OAS3: variants seen among roughly 807,000 people sequenced by gnomAD.
OAS3 encodes the protein 2'-5'-oligoadenylate synthetase 3, also known as 2'-5'-oligoadenylate synthase 3.
A neutral mutation model predicts 113.0 loss-of-function variants in OAS3; 107 were observed. The observed-to-expected ratio is 0.95, with a 90% confidence interval of 0.81 to 1.11. The LOEUF is 1.11. OAS3 is among the 50% of genes most tolerant of loss of function. The pLI is 0.00. For synonymous variants in OAS3, 552 were observed against 573.6 expected, an observed-to-expected ratio of 0.96 and a Z score of 0.54; for missense variants, 1,258 against 1,389.1, an observed-to-expected ratio of 0.91 and a Z score of 1.50.
Position 112,972,377 on chromosome 12 carries a change from TG to T in OAS3, c.*2409del, listed in dbSNP as rs2043992158. The T allele has an allele frequency of 6.6e-6, 1 of 152,200 alleles. No individual in the cohort carries two copies. The highest frequency in any genetic ancestry group is 2.4e-5 in the African/African-American group (1 of 41,436). The allele number at this position is 152,200 out of a possible 1,614,324, so 9.4% of individuals were successfully genotyped here. On this transcript the variant is annotated 3_prime_UTR_variant, in exon 16 of 16. Coordinates refer to ENST00000228928, the MANE Select transcript of OAS3 (RefSeq NM_006187.4). ...GGCATATTGGCCCCACTGTAACTTT[TG>T]GGGGCTTCCCGGTCTAGCCACACCC...
At chr12:112,957,247 G>T (rs1192008070) in intron 7 of OAS3, among the ~76,000 whole-genome samples, 1 of 151,936 alleles carries the variant, frequency 6.6e-6, no homozygotes, top group African/African-American at 2.4e-5. Flanking sequence ...ATGTGAGCTG[G>T]GTCTCCTGAA....
At chr12:112,957,521 G>A (rs1389152797) in intron 7 of OAS3, among the ~76,000 whole-genome samples, 1 of 152,182 alleles carries the variant, frequency 6.6e-6, no homozygotes, top group African/African-American at 2.4e-5. Context: ...GCTCTTGTAA[G>A]GCAGGCCTGG....
In OAS3 at chr12:112,941,459, A is replaced by C. The variant is rs2136342742; in HGVS notation, c.178-111A>C. 5 of 1,200,084 alleles carry C rather than the reference A, an allele frequency of 4.2e-6. No individual in the cohort carries two copies. The South Asian group carries it at 5.7e-5, about 14-fold the overall frequency. 74.3% of individuals were successfully genotyped at this position (1,200,084 alleles called of 1,614,324 possible). ...CCGCGTGGCTTCAATGCCTACAGCC[A>C]TGTGGCCACAGTCTCTCCCCAGCAC... is the stretch of plus-strand genomic sequence containing the variant. On this transcript the variant is annotated intron_variant, in intron 1 of 15. Coordinates refer to ENST00000228928, the MANE Select transcript of OAS3 (RefSeq NM_006187.4).
rs377049304 is a variant in OAS3, at chr12:112,961,102, C to T, written c.1689C>T (p.Pro563=). 349 of 1,613,544 alleles carry T rather than the reference C, an allele frequency of 2.2e-4. 2 individuals are homozygous for T. Among genetic ancestry groups the T allele is most frequent in the South Asian group, 6.4e-4 (58 of 90,994 alleles). Residue 563 remains proline, a synonymous_variant, in exon 8 of 16, where the codon CCC becomes CCT. Coordinates refer to ENST00000228928, the MANE Select transcript of OAS3 (RefSeq NM_006187.4). Reference sequence around the variant, plus strand: ...TCAGTTCTGGCACCAAACCAAATCCCCAGGTCTACTCGAGGCTCCTCACCA... The same window carrying T: ...TCAGTTCTGGCACCAAACCAAATCCTCAGGTCTACTCGAGGCTCCTCACCA... ...GQLSSGTKPN[P]QVYSRLLTSG...
rs1255804193 is a variant in OAS3 at position 112,972,150 on chromosome 12, C to T, written c.*2177C>T. The T allele has an allele frequency of 1.3e-5, 2 of 152,268 alleles. No homozygotes were observed. The highest frequency in any genetic ancestry group is 2.9e-5 in the Non-Finnish European group (2 of 68,078). 9.4% of individuals were successfully genotyped at this position (152,268 alleles called of 1,614,324 possible). A position where few individuals can be genotyped will look rare whatever the true frequency, so the allele number is the denominator to read the frequency against. On this transcript the variant is annotated 3_prime_UTR_variant, in exon 16 of 16. Transcript: ENST00000228928. ...AGGTCGCAGTTGGGTACCTTCCATT[C>T]CCACCACACAGACTCTGGGCCTCCC...
In OAS3 at chr12:112,948,967, C is replaced by G; in HGVS notation, c.1136C>G (p.Ala379Gly). The change falls in exon 6 of 16, where the codon GCA (alanine) becomes GGA (glycine). Residue 379 changes from alanine to glycine, a missense_variant. Coordinates refer to ENST00000228928, the MANE Select transcript of OAS3 (RefSeq NM_006187.4). ...SKSLNAVYPR[A>G]GSKPPSCPAP... ...AGCCTCAATGCTGTGTACCCAAGAG[C>G]AGGGAGCAAACCTCCCTCATGCCCA... The G allele has an allele frequency of 6.2e-7, 1 of 1,613,898 alleles. No homozygotes were observed. The highest frequency in any genetic ancestry group is 8.5e-7 in the Non-Finnish European group (1 of 1,179,840).
intron 5 of OAS3, 128 bp from the exon 6 acceptor site, chr12:112,948,733 T>C: frequency 1.4e-6 from 1 of 737,590 alleles, no homozygotes; most frequent in Non-Finnish European, 2.2e-6. Context: ...GCCATGGCCC[T>C]CCCACTTCCC....
chr12:112,946,989 C>A lies in OAS3; in HGVS notation c.875+8C>A. The A allele has an allele frequency of 6.2e-7, 1 of 1,609,026 alleles. No homozygotes were observed. Among genetic ancestry groups the A allele is most frequent in the South Asian group, 1.1e-5 (1 of 90,880 alleles). On this transcript the variant is annotated splice_region_variant and intron_variant, in intron 4 of 15. Transcript: ENST00000228928. Reference sequence around the variant, plus strand: ...GCAGCTTAAGAGACCCAGGTACTTCCTAATAGCCCACCATCTGCTCTCCTG... The same window carrying A: ...GCAGCTTAAGAGACCCAGGTACTTCATAATAGCCCACCATCTGCTCTCCTG...
chr12:112,962,754 C>T lies in OAS3; in HGVS notation c.1936C>T (p.Gln646Ter). 1 of 1,614,018 alleles carries T rather than the reference C, an allele frequency of 6.2e-7. No homozygotes were observed. The highest frequency in any genetic ancestry group is 1.1e-5 in the South Asian group (1 of 91,086). Residue 646 changes from glutamine (Q) to a stop codon, truncating the protein, a stop_gained, in exon 9 of 16, where the codon CAG becomes TAG. Transcript: ENST00000228928. LOFTEE classifies it high-confidence loss of function. ...TIFAWEQGCR[Q>*]DCFNMAQGFR... ...CTTTGCCTGGGAGCAGGGCTGCAGGCAGGATTGTTTCAACATGGCCCAAGG... is the reference window on the plus strand; with the variant it reads ...CTTTGCCTGGGAGCAGGGCTGCAGGTAGGATTGTTTCAACATGGCCCAAGG...
In OAS3 at chr12:112,938,543, A is replaced by G. The variant is rs748287993; in HGVS notation, c.13A>G (p.Ser5Gly). MDLY[S>G]TPAAALDRFV... ...GCGCCGGGCGGCCATGGACTTGTAC[A>G]GCACCCCGGCCGCTGCGCTGGACAG... The change falls in exon 1 of 16, where the codon AGC (serine) becomes GGC (glycine). Residue 5 changes from serine (S) to glycine (G), a missense_variant. Ser to Gly is a moderately conservative substitution (Grantham distance 56). Transcript: ENST00000228928. 12 of 1,607,270 alleles carry G rather than the reference A, an allele frequency of 7.5e-6. No homozygotes were observed. The East Asian group carries it at 2.5e-4, about 33-fold the overall frequency.
chr12:112,942,707 T>C (rs2043690292), intron 2 of OAS3, among the ~76,000 whole-genome samples: 1 of 143,766 alleles, frequency 7.0e-6, no homozygotes, highest in Non-Finnish European at 1.5e-5. Context: ...AGACTCTTCT[T>C]AAAAAAAAAA....
In OAS3 at chr12:112,972,245, A is replaced by G. The variant is rs1406893711; in HGVS notation, c.*2272A>G. Reference sequence around the variant, plus strand: ...CCAGAGCAACTCAGGTGCATGATACAAGGAGAGGTTGTCATCTGGGTAGGG... The same window carrying G: ...CCAGAGCAACTCAGGTGCATGATACGAGGAGAGGTTGTCATCTGGGTAGGG... On this transcript the variant is annotated 3_prime_UTR_variant, in exon 16 of 16. Coordinates refer to ENST00000228928, the MANE Select transcript of OAS3 (RefSeq NM_006187.4). The G allele has an allele frequency of 6.6e-6, 1 of 152,262 alleles. No individual in the cohort carries two copies. Among genetic ancestry groups the G allele is most frequent in the Non-Finnish European group, 1.5e-5 (1 of 68,072 alleles). 9.4% of individuals were successfully genotyped at this position (152,262 alleles called of 1,614,324 possible).
intron 3 of OAS3, 119 bp downstream of exon 3, chr12:112,944,770 GT>G: frequency 9.4e-7 from 1 of 1,065,174 alleles, no homozygotes; most frequent in Non-Finnish European, 1.4e-6. Context: ...GGAATTGTCT[GT>G]TTATGTCCCT....
intron 13 of OAS3, among the ~76,000 whole-genome samples, 157 bp from the exon 14 acceptor site, chr12:112,967,777 CTA>C (rs1281867505): frequency 2.0e-5 from 3 of 152,200 alleles, no homozygotes; most frequent in Non-Finnish European, 4.4e-5. Context: ...GGTGATAAAA[CTA>C]TGTCACAGGA....
chr12:112,953,098 A>G (rs1033715529), intron 7 of OAS3, among the ~76,000 whole-genome samples: 2 of 151,924 alleles, frequency 1.3e-5, no homozygotes, highest in Non-Finnish European at 2.9e-5. Flanking sequence ...TTAACTCGTC[A>G]TTTACATTAG....
At chr12:112,948,700 C>T (rs2043757048) in intron 5 of OAS3, among the ~76,000 whole-genome samples, 161 bp from the exon 6 acceptor site, 1 of 152,126 alleles carries the variant, frequency 6.6e-6, no homozygotes, top group Non-Finnish European at 1.5e-5. Context: ...TTCAACTCTG[C>T]CCAAAGATGG....
chr12:112,943,369 C>T (rs2043697705), intron 2 of OAS3, among the ~76,000 whole-genome samples: 1 of 152,106 alleles, frequency 6.6e-6, no homozygotes, highest in South Asian at 2.1e-4. Flanking sequence ...TCAATTTTAC[C>T]ATTGGGGAAA....
chr12:112,971,597 C>G lies in OAS3; in HGVS notation c.*1624C>G, dbSNP rs2043984576. 1 of 152,324 alleles carries G rather than the reference C, an allele frequency of 6.6e-6. No individual in the cohort carries two copies. The highest frequency in any genetic ancestry group is 1.5e-5 in the Non-Finnish European group (1 of 68,132). 9.4% of individuals were successfully genotyped at this position (152,324 alleles called of 1,614,324 possible). A position where few individuals can be genotyped will look rare whatever the true frequency, so the allele number is the denominator to read the frequency against. On this transcript the variant is annotated 3_prime_UTR_variant, in exon 16 of 16. Coordinates refer to ENST00000228928, the MANE Select transcript of OAS3 (RefSeq NM_006187.4). ...AGCCACTGAACATCCCTTCTCTGCT[C>G]CACAGGAGTGCCTTAGACAGCCTGA...
chr12:112,968,197 C>A (rs186922334), intron 14 of OAS3, 23 bp downstream of exon 14: 4 of 1,594,856 alleles, frequency 2.5e-6, no homozygotes, highest in Non-Finnish European at 3.4e-6. Context: ...CCCCAATGTT[C>A]CAGAATTTCA....
Sources: gnomAD v4.1 joint callset for allele counts (sites outside exome capture counted in the v4.1 genomes callset) on GRCh38, gnomAD v4.1.1 for gene constraint, MANE v1.5 for transcripts, NCBI Gene and HGNC (gene_info 2026-07-23, HGNC 2026-07-21) for gene names.